KIR3DL3: variants seen among roughly 807,000 people sequenced by gnomAD.
KIR3DL3 encodes the protein killer cell immunoglobulin-like receptor 3DL3.
A neutral mutation model predicts 34.9 loss-of-function variants in KIR3DL3; 27 were observed. The observed-to-expected ratio is 0.77, with a 90% CI of 0.57 to 1.07. The LOEUF (loss-of-function observed/expected upper bound fraction) is 1.07. Ranked by LOEUF, KIR3DL3 falls within the 50% of genes least tolerant of loss-of-function variation. KIR3DL3 has a pLI of 0.00. For missense variants in KIR3DL3, 681 were observed against 528.5 expected, an observed-to-expected ratio of 1.29 and a Z score of -2.83; for synonymous variants, 217 against 200.2, an observed-to-expected ratio of 1.08 and a Z score of -0.71.
chr19:54,734,968 T>C (rs1161239154), intron 5 of KIR3DL3, among the ~76,000 whole-genome samples: 1,100 of 115,564 alleles, frequency 9.5e-3, no homozygotes, highest in South Asian at 0.024. Context: ...TGGATCCACC[T>C]CCATGACCCA....
intron 3 of KIR3DL3, among the ~76,000 whole-genome samples, 188 bp downstream of exon 3, chr19:54,726,525 C>A: frequency 6.8e-6 from 1 of 146,570 alleles, no homozygotes; most frequent in Non-Finnish European, 1.5e-5. Flanking sequence ...ACATGGTAAT[C>A]CATGAACCCT....
rs1289042923 is a variant in KIR3DL3, at chr19:54,733,546, T to A, written c.950-1707T>A. ...TCAAAAAATAAAAATAAAACATACA[T>A]AATTATGACACACAGAAATTACAAA... On this transcript the variant is annotated intron_variant, in intron 5 of 7. Transcript: ENST00000291860. Among the ~76,000 whole-genome samples, 36 of 133,572 alleles carry A rather than the reference T, an allele frequency of 2.7e-4. 1 individual carries two copies. The East Asian group carries it at 5.1e-3, about 19-fold the overall frequency. The allele number at this position is 133,572 out of a possible 152,430, so 87.6% of individuals were successfully genotyped here. A position where few individuals can be genotyped will look rare whatever the true frequency, so the allele number is the denominator to read the frequency against.
intron 5 of KIR3DL3, among the ~76,000 whole-genome samples, chr19:54,733,902 T>G (rs952087439): frequency 7.9e-5 from 12 of 152,066 alleles, no homozygotes; most frequent in African/African-American, 2.7e-4. Context: ...CAGAGACCAG[T>G]GCCAGCACTA....
intron 4 of KIR3DL3, among the ~76,000 whole-genome samples, chr19:54,728,912 C>T (rs1438328138): frequency 1.4e-5 from 2 of 147,944 alleles, no homozygotes; most frequent in Non-Finnish European, 3.0e-5. Flanking sequence ...AGGTGATAGA[C>T]AAATAGATGA....
At chr19:54,734,128 A>G (rs1331546623) in intron 5 of KIR3DL3, among the ~76,000 whole-genome samples, 1 of 150,566 alleles carries the variant, frequency 6.6e-6, no homozygotes, top group Non-Finnish European at 1.5e-5. Flanking sequence ...TTTTATCTTG[A>G]TTTCATTTTT....
chr19:54,732,913 C>G (rs1276399435), intron 5 of KIR3DL3, among the ~76,000 whole-genome samples: 2 of 152,196 alleles, frequency 1.3e-5, no homozygotes, highest in Non-Finnish European at 2.9e-5. Context: ...GGAATCCCTA[C>G]CTGATTAACA....
chr19:54,727,500 G>C, intron 3 of KIR3DL3, 111 bp from the exon 4 acceptor site: 2 of 933,478 alleles, frequency 2.1e-6, no homozygotes, highest in Non-Finnish European at 3.2e-6. Context: ...CGGAGACACA[G>C]ACAGGAAGGA....
At position 54,726,572 on chromosome 19, in the gene KIR3DL3, G is replaced by C. The variant is rs1362129575; in HGVS notation, c.355+235G>C. On this transcript the variant is annotated intron_variant, in intron 3 of 7. Transcript: ENST00000291860. ...TGTTATAGGGCAGGGGACTGAAGAG[G>C]AAGATGGAGCTCAGGTTGTTGATGA... Among the ~76,000 whole-genome samples, 3 of 144,868 alleles carry C rather than the reference G, an allele frequency of 2.1e-5. No individual in the cohort carries two copies. In the Admixed American group the frequency reaches 2.2e-4, roughly 10 times the overall value.
At chr19:54,728,626 G>A (rs1287029981) in intron 4 of KIR3DL3, among the ~76,000 whole-genome samples, 1 of 152,110 alleles carries the variant, frequency 6.6e-6, no homozygotes, top group Non-Finnish European at 1.5e-5. Flanking sequence ...GGAATTGAGA[G>A]ACTCACAGAC....
Position 54,729,753 on chromosome 19 carries a change from G to C in KIR3DL3, c.916G>C (p.Asp306His), listed in dbSNP as rs1480543744. 13 of 1,587,710 alleles carry C rather than the reference G, an allele frequency of 8.2e-6. No individual in the cohort carries two copies. The East Asian group carries it at 2.7e-4, about 33-fold the overall frequency. The change falls in exon 5 of 8, where the codon GAC becomes CAC. Residue 306 changes from aspartate to histidine, a missense_variant. Asp to His is a moderately conservative substitution (Grantham distance 81, BLOSUM62 -1). Coordinates refer to ENST00000291860, the MANE Select transcript of KIR3DL3 (RefSeq NM_153443.5). ...CCGTGCCCTGCCCCATGCGTGGTCA[G>C]ACCCGAGTGACCCACTGCCCGTTTC... Reference protein sequence around the residue: ...SFRALPHAWSDPSDPLPVSVT... With the variant: ...SFRALPHAWSHPSDPLPVSVT...
At chr19:54,727,541 A>T in intron 3 of KIR3DL3, 70 bp from the exon 4 acceptor site, 1 of 1,457,482 alleles carries the variant, frequency 6.9e-7, no homozygotes, top group African/African-American at 1.4e-5. Context: ...GGGAAGCCTC[A>T]CTTATTTCAG....
rs910666648 is a variant in KIR3DL3, at chr19:54,724,465, G to T, written c.-32G>T. ...TCCTGTGTGCTGCTGAACTGAGCTG[G>T]GGCGCAGCCGCCTGTCTGCACCGGC... On this transcript the variant is annotated 5_prime_UTR_variant, in exon 1 of 8. Transcript: ENST00000291860. 6 of 1,612,600 alleles carry T rather than the reference G, an allele frequency of 3.7e-6. No homozygotes were observed. The African/African-American group carries it at 8.0e-5, about 22-fold the overall frequency.
At chr19:54,735,925 G>A in intron 7 of KIR3DL3, 46 bp from the exon 8 acceptor site, 1 of 1,604,616 alleles carries the variant, frequency 6.2e-7, no homozygotes, top group South Asian at 1.1e-5. Flanking sequence ...AAAGAGTCCT[G>A]GAAAATGTGA....
At chr19:54,729,331 G>A (rs2068545325) in intron 4 of KIR3DL3, among the ~76,000 whole-genome samples, 162 bp from the exon 5 acceptor site, 1 of 151,980 alleles carries the variant, frequency 6.6e-6, no homozygotes, top group Non-Finnish European at 1.5e-5. Flanking sequence ...AGACAGAGAA[G>A]GTGGAAGGAG....
chr19:54,730,119 G>A (rs1249525184), intron 5 of KIR3DL3, among the ~76,000 whole-genome samples: 1 of 152,096 alleles, frequency 6.6e-6, no homozygotes, highest in African/African-American at 2.4e-5. Context: ...GCCCATCCTG[G>A]CCTGTCACCC....
At position 54,735,867 on chromosome 19, in the gene KIR3DL3, A is replaced by G; in HGVS notation, c.1102A>G (p.Arg368Gly). 1 of 1,607,226 alleles carries G rather than the reference A, an allele frequency of 6.2e-7. No homozygotes were observed. The highest frequency in any genetic ancestry group is 8.5e-7 in the Non-Finnish European group (1 of 1,178,080). The change falls in exon 7 of 8, where the codon AGG becomes GGG. Residue 368 changes from arginine to glycine, a missense_variant. Physicochemically the swap from Arg to Gly is moderately radical, Grantham distance 125. Coordinates refer to ENST00000291860, the MANE Select transcript of KIR3DL3 (RefSeq NM_153443.5). The stretch of plus-strand genomic sequence containing the variant: ...GCCTGCAGGGAACAGAACAGTGAAC[A>G]GGGAGGTAGGTGCTCCTCCGCCCAG... ...QEPAGNRTVN[R>G]EDSDEQDPQE...
chr19:54,735,009 C>G (rs1394459066), intron 5 of KIR3DL3, among the ~76,000 whole-genome samples: 7 of 141,954 alleles, frequency 4.9e-5, no homozygotes, highest in Non-Finnish European at 7.6e-5. Flanking sequence ...ACCTCCCACT[C>G]TGGGGGTTAC....
At chr19:54,733,251 G>C (rs1412998074) in intron 5 of KIR3DL3, among the ~76,000 whole-genome samples, 1 of 152,132 alleles carries the variant, frequency 6.6e-6, no homozygotes, top group Admixed American at 6.5e-5. Context: ...TAATATACAA[G>C]ACTGTGGATG....
In KIR3DL3 at chr19:54,727,879, T is replaced by C. The variant is rs1359696083; in HGVS notation, c.624T>C (p.Ala208=). ...SVTHLPYELS[A]PSDPLDIVVV... ...CTCACTTACCCTATGAGTTGTCGGC[T>C]CCCAGTGACCCTCTGGACATCGTGG... The change falls in exon 4 of 8, where the codon GCT becomes GCC. Residue 208 remains alanine (A), a synonymous_variant. Transcript: ENST00000291860. 1.9e-6 allele frequency: 3 copies of C among 1,613,214 alleles called. No individual in the cohort carries two copies. Among genetic ancestry groups the C allele is most frequent in the South Asian group, 2.2e-5 (2 of 91,038 alleles).
Sources: gnomAD v4.1 joint callset for allele counts (sites outside exome capture counted in the v4.1 genomes callset) on GRCh38, gnomAD v4.1.1 for gene constraint, MANE v1.5 for transcripts, NCBI Gene and HGNC (gene_info 2026-07-23, HGNC 2026-07-21) for gene names.